LARGE1: variants seen among roughly 807,000 people sequenced by gnomAD.
LARGE1 encodes the protein LARGE xylosyl- and glucuronyltransferase 1.
Under a neutral mutation model 87.6 loss-of-function variants are expected in LARGE1, and 43 were observed. The observed-to-expected ratio is 0.49, with a 90% confidence interval of 0.38 to 0.63. The LOEUF (loss-of-function observed/expected upper bound fraction) is 0.63, where lower values mean the gene tolerates loss of function less well. LARGE1 is among the 30% of genes least tolerant of loss of function. The pLI, the probability that LARGE1 is intolerant of heterozygous loss-of-function variation, is 0.00. For missense variants in LARGE1, 802 were observed against 1,000.2 expected (o/e 0.80, Z 2.67); for synonymous variants, 434 against 394.6 (o/e 1.10, Z -1.18).
intron 2 of LARGE1, among the ~76,000 whole-genome samples, chr22:33,741,142 C>T (rs1435366880): frequency 6.6e-6 from 1 of 152,208 alleles, no homozygotes; most frequent in Non-Finnish European, 1.5e-5. Flanking sequence ...TGATAAGCAG[C>T]ACTCTGAGCA....
At chr22:33,761,883 G>A (rs2084744922) in intron 1 of LARGE1, among the ~76,000 whole-genome samples, 1 of 152,062 alleles carries the variant, frequency 6.6e-6, no homozygotes, top group African/African-American at 2.4e-5. Flanking sequence ...GTTAGCACCT[G>A]TTATGTACCA....
At chr22:33,418,696 C>T (rs1005618425) in intron 7 of LARGE1, among the ~76,000 whole-genome samples, 7 of 151,922 alleles carry the variant, frequency 4.6e-5, no homozygotes, top group African/African-American at 7.3e-5. Context: ...GCCAGGGGGC[C>T]AGAGTGGCTG....
Position 33,583,636 on chromosome 22 carries a change from T to C in LARGE1, c.616-18617A>G, listed in dbSNP as rs73396615. 8.1e-3 allele frequency among the ~76,000 whole-genome samples: 1,234 copies of C among 152,304 alleles called. 17 individuals carry two copies. Among genetic ancestry groups the C allele is most frequent in the African/African-American group, 0.028 (1,158 of 41,568 alleles). The stretch of plus-strand genomic sequence containing the variant: ...ATCTTCTGCCCCTGAGCCCACTGAA[T>C]AGGTCAGGGACATTGATTTTAAAAT... On this transcript the variant is annotated intron_variant, in intron 5 of 14. Transcript: ENST00000397394.
intron 1 of LARGE1, among the ~76,000 whole-genome samples, chr22:33,840,857 A>AAGTG (rs2063261670): frequency 6.6e-6 from 1 of 152,128 alleles, no homozygotes; most frequent in African/African-American, 2.4e-5. Context: ...TCCTGGGCTC[A>AAGTG]AGTGATCCAC....
chr22:33,311,086 G>A (rs369927119), intron 11 of LARGE1, among the ~76,000 whole-genome samples: 13 of 151,554 alleles, frequency 8.6e-5, no homozygotes, highest in Admixed American at 1.3e-4. Flanking sequence ...TCAGCCTCCC[G>A]TGTAGCTGGG....
In LARGE1 at chr22:33,604,534, A is replaced by C. The variant is rs1569306182; in HGVS notation, c.516T>G (p.Leu172=). The C allele has an allele frequency of 6.2e-7, 1 of 1,613,992 alleles. No individual in the cohort carries two copies. The highest frequency in any genetic ancestry group is 8.5e-7 in the Non-Finnish European group (1 of 1,179,954). Reference sequence around the variant, plus strand: ...TCTGCTCCGCAATGGAGTCAGCAATAAGGTGGAAGTGCAGAGGGTTCCGTC... The same window carrying C: ...TCTGCTCCGCAATGGAGTCAGCAATCAGGTGGAAGTGCAGAGGGTTCCGTC... ...FHRRNPLHFH[L]IADSIAEQIL... is the part of the protein sequence containing the mutation. The change falls in exon 5 of 15, where the codon CTT becomes CTG. Residue 172 remains leucine, a synonymous_variant. Coordinates refer to ENST00000397394, the MANE Select transcript of LARGE1 (RefSeq NM_133642.5).
chr22:33,761,333 C>T lies in LARGE1; in HGVS notation c.106+38G>A, dbSNP rs765042405. ...TTCTATGACAGCTAATGTTCCCTTTCTTCCCTCCTTCCCTCTCACTTTGGC... is the reference window on the plus strand; with the variant it reads ...TTCTATGACAGCTAATGTTCCCTTTTTTCCCTCCTTCCCTCTCACTTTGGC... On this transcript the variant is annotated intron_variant, in intron 2 of 14. Coordinates refer to ENST00000397394, the MANE Select transcript of LARGE1 (RefSeq NM_133642.5). The T allele has an allele frequency of 2.9e-5, 43 of 1,478,904 alleles. No individual in the cohort carries two copies. In the East Asian group the frequency reaches 9.7e-4, roughly 33 times the overall value. 91.6% of individuals were successfully genotyped at this position (1,478,904 alleles called of 1,614,324 possible).
At chr22:33,853,759 T>A (rs1384292263) in intron 1 of LARGE1, among the ~76,000 whole-genome samples, 1 of 152,268 alleles carries the variant, frequency 6.6e-6, no homozygotes, top group African/African-American at 2.4e-5. Context: ...CAAGGATATG[T>A]CTGCCTGTTG....
chr22:33,551,179 ACCC>A (rs1426818749), intron 6 of LARGE1, among the ~76,000 whole-genome samples: 4 of 152,372 alleles, frequency 2.6e-5, no homozygotes, highest in African/African-American at 9.6e-5. Context: ...TTGTATATGT[ACCC>A]CATACATTTG....
At chr22:33,596,350 C>A (rs1390273600) in intron 5 of LARGE1, among the ~76,000 whole-genome samples, 1 of 152,218 alleles carries the variant, frequency 6.6e-6, no homozygotes, top group East Asian at 1.9e-4. Context: ...TTATGCTTTT[C>A]CATGTCCATT....
At chr22:33,461,453 T>G (rs2148012962) in intron 6 of LARGE1, among the ~76,000 whole-genome samples, 1 of 151,994 alleles carries the variant, frequency 6.6e-6, no homozygotes, top group Non-Finnish European at 1.5e-5. Context: ...ATCTAGGTAA[T>G]AAAAATGTTA....
chr22:33,515,547 G>A (rs2071264649), intron 6 of LARGE1, among the ~76,000 whole-genome samples: 1 of 152,136 alleles, frequency 6.6e-6, no homozygotes, highest in African/African-American at 2.4e-5. Context: ...AGACAGCCAG[G>A]ACGATCTTTC....
intron 2 of LARGE1, among the ~76,000 whole-genome samples, chr22:33,696,972 T>C (rs1298447387): frequency 6.6e-6 from 1 of 152,114 alleles, no homozygotes; most frequent in African/African-American, 2.4e-5. Flanking sequence ...TTGCCTTAAA[T>C]ATTTCCCTTA....
intron 8 of LARGE1, 67 bp from the exon 9 acceptor site, chr22:33,382,111 A>G (rs2065179295): frequency 5.6e-6 from 9 of 1,602,370 alleles, no homozygotes; most frequent in Non-Finnish European, 7.7e-6. Flanking sequence ...TTTGGCTCTC[A>G]AGGCACTGCA....
chr22:33,870,637 C>A (rs776356161), intron 1 of LARGE1, among the ~76,000 whole-genome samples: 5 of 152,122 alleles, frequency 3.3e-5, no homozygotes, highest in Non-Finnish European at 7.3e-5. Flanking sequence ...AGCGCAATCT[C>A]GGCTCACTGC....
chr22:33,158,336 A>C (rs1409433316), downstream of LARGE1, among the ~76,000 whole-genome samples: 1 of 152,208 alleles, frequency 6.6e-6, no homozygotes, highest in Non-Finnish European at 1.5e-5. Context: ...CAATTATTGC[A>C]AAAGAAGGCA....
intron 9 of LARGE1, among the ~76,000 whole-genome samples, chr22:33,367,036 GT>G (rs1188127732): frequency 6.6e-6 from 1 of 152,084 alleles, no homozygotes; most frequent in African/African-American, 2.4e-5. Context: ...TCTTAAATCG[GT>G]TTTGGTAAGT....
At chr22:33,862,913 G>A (rs551703001) in intron 1 of LARGE1, among the ~76,000 whole-genome samples, 5 of 152,030 alleles carry the variant, frequency 3.3e-5, no homozygotes, top group Non-Finnish European at 7.4e-5. Flanking sequence ...AGCACGCACC[G>A]AGTCCTCACC....
intron 7 of LARGE1, among the ~76,000 whole-genome samples, chr22:33,397,162 C>A (rs2065775884): frequency 6.6e-6 from 1 of 152,072 alleles, no homozygotes; most frequent in South Asian, 2.1e-4. Flanking sequence ...GTTGCCCAGG[C>A]TGGAGTACAA....
Sources: allele counts gnomAD v4.1 joint callset (sites outside exome capture counted in the v4.1 genomes callset), GRCh38; gene constraint gnomAD v4.1.1; transcripts MANE v1.5; gene names NCBI Gene and HGNC (gene_info 2026-07-23, HGNC 2026-07-21).